Variants in PDE10A observed in about 807,000 individuals in gnomAD.
PDE10A encodes the protein cAMP and cAMP-inhibited cGMP 3',5'-cyclic phosphodiesterase 10A.
PDE10A carries 39 observed loss-of-function variants against 97.7 expected under a neutral mutation model. The ratio of observed to expected loss-of-function variants is 0.40; its 90% CI spans 0.31 to 0.52. The LOEUF (loss-of-function observed/expected upper bound fraction) is 0.52. Among genes scored for constraint, PDE10A ranks in the 20% least tolerant of loss-of-function variants. PDE10A has a pLI of 0.56. For synonymous variants in PDE10A, 371 were observed against 376.8 expected (o/e 0.98, Z 0.18); for missense variants, 731 against 1,047.8 (o/e 0.70, Z 4.17).
At position 165,430,272 on chromosome 6, in the gene PDE10A, G is replaced by C. The variant is rs530540801; in HGVS notation, c.1601+15C>G. 6.3e-7 allele frequency: 1 copy of C among 1,596,240 alleles called. No individual in the cohort carries two copies. Among genetic ancestry groups the C allele is most frequent in the East Asian group, 2.2e-5 (1 of 44,610 alleles). On this transcript the variant is annotated intron_variant, in intron 9 of 21. Transcript: ENST00000539869. ...TGATTAATAAGAGCTACTATCCCTA[G>C]AAATGAACACTTACTTTGATACGTC...
intron 1 of PDE10A, among the ~76,000 whole-genome samples, chr6:165,851,582 G>T (rs960251229): frequency 1.3e-5 from 2 of 152,194 alleles, no homozygotes; most frequent in Non-Finnish European, 1.5e-5. Flanking sequence ...GTGGGCTATT[G>T]TAGGTCCTCT....
chr6:165,910,325 G>C (rs956371299), intron 1 of PDE10A, among the ~76,000 whole-genome samples: 3 of 152,180 alleles, frequency 2.0e-5, no homozygotes, highest in African/African-American at 7.2e-5. Flanking sequence ...GGCTGGGTCT[G>C]TTTACATTCC....
At chr6:165,892,752 A>G (rs1781839784) in intron 1 of PDE10A, among the ~76,000 whole-genome samples, 1 of 152,054 alleles carries the variant, frequency 6.6e-6, no homozygotes, top group South Asian at 2.1e-4. Context: ...TGGGAGTGTC[A>G]TGCCTCACCC....
intron 1 of PDE10A, among the ~76,000 whole-genome samples, chr6:165,863,599 A>T (rs1302023517): frequency 6.6e-6 from 1 of 152,210 alleles, no homozygotes; most frequent in Non-Finnish European, 1.5e-5. Context: ...AAACTTTTAT[A>T]AAAGTTCCTT....
intron 18 of PDE10A, among the ~76,000 whole-genome samples, chr6:165,347,852 T>TA (rs796496147): frequency 6.6e-6 from 1 of 152,006 alleles, no homozygotes; most frequent in Non-Finnish European, 1.5e-5. Context: ...TATATATATA[T>TA]AAAAAACAGG....
At chr6:165,898,666 G>A (rs1373989246) in intron 1 of PDE10A, among the ~76,000 whole-genome samples, 2 of 151,774 alleles carry the variant, frequency 1.3e-5, no homozygotes, top group East Asian at 1.9e-4. Flanking sequence ...TCTCCTCCCT[G>A]GGACCCTCCC....
chr6:165,493,703 A>G (rs1175566575), intron 2 of PDE10A, among the ~76,000 whole-genome samples: 1 of 152,140 alleles, frequency 6.6e-6, no homozygotes, highest in African/African-American at 2.4e-5. Flanking sequence ...TAAATCTAAG[A>G]CCTGAAACCA....
chr6:165,374,414 T>A (rs982114897), intron 18 of PDE10A, among the ~76,000 whole-genome samples: 2 of 151,872 alleles, frequency 1.3e-5, no homozygotes, highest in Non-Finnish European at 2.9e-5. Context: ...GTGTAATATA[T>A]AACAGAAAAT....
chr6:165,833,162 C>T (rs1779972559), intron 1 of PDE10A, among the ~76,000 whole-genome samples: 1 of 152,220 alleles, frequency 6.6e-6, no homozygotes, highest in Non-Finnish European at 1.5e-5. Flanking sequence ...GGCTTCTCTT[C>T]TCAGGACACT....
chr6:165,525,345 C>T (rs1378619257), intron 2 of PDE10A, among the ~76,000 whole-genome samples: 1 of 152,064 alleles, frequency 6.6e-6, no homozygotes, highest in Non-Finnish European at 1.5e-5. Flanking sequence ...TTTAATGTTG[C>T]AGCTCGGGGA....
Position 165,786,218 on chromosome 6 carries a change from C to T in PDE10A, c.-615+201311G>A, listed in dbSNP as rs534309084. On this transcript the variant is annotated intron_variant, in intron 1 of 19. Transcript: ENST00000366882. ...ACAATTTCACACATAGAGAAAAGCC[C>T]CTGATACAGTCTAAATCAGACAGTG... Among the ~76,000 whole-genome samples, 3 of 152,288 alleles carry T rather than the reference C, an allele frequency of 2.0e-5. No homozygotes were observed. In the East Asian group the frequency reaches 5.8e-4, roughly 29 times the overall value.
At chr6:165,646,293 G>A (rs2128422713) in intron 1 of PDE10A, among the ~76,000 whole-genome samples, 1 of 152,344 alleles carries the variant, frequency 6.6e-6, no homozygotes, top group African/African-American at 2.4e-5. Flanking sequence ...GAAAACCTAG[G>A]TGGAGCCTAT....
At chr6:165,377,241 C>G (rs1370506622) in intron 18 of PDE10A, among the ~76,000 whole-genome samples, 2 of 152,030 alleles carry the variant, frequency 1.3e-5, no homozygotes, top group Non-Finnish European at 2.9e-5. Context: ...CTGAGTTATG[C>G]TTGAACATAC....
At position 165,388,775 on chromosome 6, in the gene PDE10A, A is replaced by G. The variant is rs1357261881; in HGVS notation, c.2455-322T>C. On this transcript the variant is annotated intron_variant, in intron 16 of 21. Transcript: ENST00000539869. The surrounding 1 kb of genome is among the most constrained non-coding windows in gnomAD (Gnocchi z 4.0). Reference sequence around the variant, plus strand: ...TATAAAGCAAATGTTCCAAAAAAGTACAGATAAAGCAAATCTGCACAAGGA... The same window carrying G: ...TATAAAGCAAATGTTCCAAAAAAGTGCAGATAAAGCAAATCTGCACAAGGA... 6.6e-6 allele frequency among the ~76,000 whole-genome samples: 1 copy of G among 152,244 alleles called. No individual in the cohort carries two copies. Among genetic ancestry groups the G allele is most frequent in the East Asian group, 1.9e-4 (1 of 5,202 alleles).
chr6:165,584,374 C>A (rs550008386), intron 1 of PDE10A, among the ~76,000 whole-genome samples: 2 of 152,104 alleles, frequency 1.3e-5, no homozygotes, highest in African/African-American at 4.8e-5. Flanking sequence ...ACTTTTCTTC[C>A]CTTTGATTTG....
intron 18 of PDE10A, among the ~76,000 whole-genome samples, chr6:165,344,882 C>A (rs1009186400): frequency 6.6e-6 from 1 of 152,064 alleles, no homozygotes; most frequent in Non-Finnish European, 1.5e-5. Flanking sequence ...TCCTGTAACC[C>A]CAAACAGATG....
At chr6:165,737,459 A>C (rs1467405808) in intron 1 of PDE10A, among the ~76,000 whole-genome samples, 1 of 152,158 alleles carries the variant, frequency 6.6e-6, no homozygotes, top group African/African-American at 2.4e-5. Flanking sequence ...AGTGGGATTC[A>C]CTCCAGGAAT....
intron 1 of PDE10A, among the ~76,000 whole-genome samples, chr6:165,708,160 C>T (rs981347218): frequency 6.6e-6 from 1 of 152,164 alleles, no homozygotes; most frequent in South Asian, 2.1e-4. Flanking sequence ...GCTGGGCTGT[C>T]AGGCACCTCC....
chr6:165,944,088 C>G (rs1017256336), intron 1 of PDE10A, among the ~76,000 whole-genome samples: 5 of 152,214 alleles, frequency 3.3e-5, no homozygotes, highest in African/African-American at 1.2e-4. Context: ...CAAATGCCTC[C>G]TTCTTCACAT....
Sources: gnomAD v4.1 joint callset for allele counts (sites outside exome capture counted in the v4.1 genomes callset) on GRCh38, gnomAD v4.1.1 for gene constraint, Gnocchi (gnomAD v3.1) non-coding constraint, MANE v1.5 for transcripts, NCBI Gene and HGNC (gene_info 2026-07-23, HGNC 2026-07-21) for gene names.